Variants in PLD5 observed in about 807,000 individuals in gnomAD.
PLD5 encodes the protein inactive phospholipase D5.
Under a neutral mutation model 61.1 loss-of-function variants are expected in PLD5, and 36 were observed. The observed-to-expected ratio is 0.59, with a 90% CI of 0.45 to 0.78. The LOEUF is 0.78. Among genes scored for constraint, PLD5 ranks in the 30% least tolerant of loss-of-function variants. PLD5 has a pLI of 0.00. For missense variants in PLD5, 515 were observed against 644.4 expected (o/e 0.80, Z 2.17); for synonymous variants, 243 against 242.8 (o/e 1.00, Z -0.01).
At chr1:242,326,952 G>A (rs192925256) in intron 2 of PLD5, among the ~76,000 whole-genome samples, 1,515 of 151,250 alleles carry the variant, frequency 0.01, 18 homozygotes, top group African/African-American at 0.034. Flanking sequence ...TGCAACCTCC[G>A]CCTCCCAGAT....
chr1:242,318,575 T>C (rs1365693090), intron 2 of PLD5, among the ~76,000 whole-genome samples: 1 of 152,136 alleles, frequency 6.6e-6, no homozygotes, highest in Non-Finnish European at 1.5e-5. Flanking sequence ...CGACGTGGGA[T>C]GTGGGATGCC....
At chr1:242,448,364 T>A (rs1666633949) in intron 1 of PLD5, among the ~76,000 whole-genome samples, 1 of 152,216 alleles carries the variant, frequency 6.6e-6, no homozygotes, top group South Asian at 2.1e-4. Context: ...AGTCTCTTCA[T>A]TCATCTGGAT....
At chr1:242,138,028 C>G (rs1663877615) in intron 5 of PLD5, among the ~76,000 whole-genome samples, 1 of 152,006 alleles carries the variant, frequency 6.6e-6, no homozygotes. Flanking sequence ...AGTCTGGTAA[C>G]CAAACATTAC....
intron 1 of PLD5, among the ~76,000 whole-genome samples, chr1:242,370,142 G>A (rs1303325791): frequency 1.3e-5 from 2 of 152,118 alleles, no homozygotes; most frequent in Non-Finnish European, 2.9e-5. Flanking sequence ...AGGCACTCTC[G>A]GTCTGCAGTG....
rs1327718066 is a variant in PLD5, at chr1:242,524,023, C to T, written c.189+65G>A. 32 of 1,462,296 alleles carry T rather than the reference C, an allele frequency of 2.2e-5. No homozygotes were observed. In the East Asian group the frequency reaches 8.0e-4, roughly 37 times the overall value. The allele number at this position is 1,462,296 out of a possible 1,614,324, so 90.6% of individuals were successfully genotyped here. ...CCGCGCCCCGCGCGCGCTCATGCCA[C>T]CACCACGGGGAGGGTGCATGCGGCA... On this transcript the variant is annotated intron_variant, in intron 1 of 9. Transcript: ENST00000536534.
At chr1:242,357,451 T>C (rs1172519858) in intron 1 of PLD5, among the ~76,000 whole-genome samples, 3 of 151,624 alleles carry the variant, frequency 2.0e-5, no homozygotes, top group Admixed American at 6.6e-5. Flanking sequence ...TTTCTGTACC[T>C]AGCTGTTGGT....
At chr1:242,526,960 T>C (rs1669460135), upstream of PLD5, among the ~76,000 whole-genome samples, 1 of 152,106 alleles carries the variant, frequency 6.6e-6, no homozygotes, top group Non-Finnish European at 1.5e-5. Flanking sequence ...GTGATAGATA[T>C]CCAATTCAGA....
intron 2 of PLD5, among the ~76,000 whole-genome samples, chr1:242,305,031 G>A (rs956336493): frequency 5.3e-5 from 8 of 152,106 alleles, no homozygotes; most frequent in Admixed American, 1.3e-4. Context: ...ATTTGAACTC[G>A]GGAGGCAGAG....
At chr1:242,156,804 C>A (rs908824883) in intron 5 of PLD5, among the ~76,000 whole-genome samples, 2 of 152,052 alleles carry the variant, frequency 1.3e-5, no homozygotes, top group Non-Finnish European at 2.9e-5. Flanking sequence ...TCACTTCAAC[C>A]TTGGTTGAAT....
At chr1:242,190,240 G>A (rs1192547928) in intron 5 of PLD5, among the ~76,000 whole-genome samples, 1 of 144,942 alleles carries the variant, frequency 6.9e-6, no homozygotes, top group Non-Finnish European at 1.5e-5. Flanking sequence ...CTGCCTCCTG[G>A]GTTCACGCCA....
At chr1:242,226,996 C>T (rs562303832) in intron 4 of PLD5, among the ~76,000 whole-genome samples, 2 of 152,110 alleles carry the variant, frequency 1.3e-5, no homozygotes, top group Non-Finnish European at 2.9e-5. Context: ...ATTAATGTTA[C>T]TACTTTGAAG....
At chr1:242,286,418 A>G (rs1409166802) in intron 3 of PLD5, among the ~76,000 whole-genome samples, 1 of 152,218 alleles carries the variant, frequency 6.6e-6, no homozygotes. Context: ...GCAGCAAACC[A>G]TAAAGATTCT....
chr1:242,382,128 C>CAAAAAAAAAAAAAAAAAAAA (rs34582650), intron 1 of PLD5, among the ~76,000 whole-genome samples: 80 of 125,452 alleles, frequency 6.4e-4, no homozygotes, highest in East Asian at 1.1e-3. Context: ...ACTTTGACAG[C>CAAAAAAAAAAAAAAAAAAAA]AAAAAAAAAA....
At chr1:242,271,467 C>T (rs1218243615) in intron 3 of PLD5, among the ~76,000 whole-genome samples, 12 of 151,968 alleles carry the variant, frequency 7.9e-5, no homozygotes, top group East Asian at 1.9e-4. Context: ...TACTTAACAT[C>T]GAGGAGAAAG....
At chr1:242,188,217 G>C (rs1668028844) in intron 5 of PLD5, among the ~76,000 whole-genome samples, 1 of 152,158 alleles carries the variant, frequency 6.6e-6, no homozygotes, top group South Asian at 2.1e-4. Context: ...GGGCGGGAGA[G>C]AGAAGTTAAA....
intron 1 of PLD5, among the ~76,000 whole-genome samples, chr1:242,481,400 C>G (rs542718796): frequency 6.6e-6 from 1 of 152,338 alleles, no homozygotes; most frequent in Non-Finnish European, 1.5e-5. Flanking sequence ...AAACGGCACA[C>G]CAGGAGATTG....
chr1:242,316,028 C>T (rs932161951), intron 2 of PLD5, among the ~76,000 whole-genome samples: 2 of 152,058 alleles, frequency 1.3e-5, no homozygotes, highest in Admixed American at 6.6e-5. Context: ...GGTGACCTTG[C>T]GTAAGTTACT....
intron 2 of PLD5, among the ~76,000 whole-genome samples, chr1:242,329,924 G>A (rs1261021397): frequency 2.0e-5 from 3 of 152,098 alleles, no homozygotes; most frequent in East Asian, 1.9e-4. Flanking sequence ...CGGCTACTAA[G>A]GGACTCACAG....
At position 242,397,640 on chromosome 1, in the gene PLD5, T is replaced by C. The variant is rs151081569; in HGVS notation, c.190-49398A>G. ...ATAGGTAGGACCAAGGCTTAGGAGG[T>C]AGAATGTCTTTCTACAGCAATGTAC... is the stretch of plus-strand genomic sequence containing the variant. On this transcript the variant is annotated intron_variant, in intron 1 of 9. Coordinates refer to ENST00000536534, the MANE Select transcript of PLD5 (RefSeq NM_001372062.1). 1.1e-3 allele frequency among the ~76,000 whole-genome samples: 169 copies of C among 152,130 alleles called. 2 individuals are homozygous for C. Among genetic ancestry groups the C allele is most frequent in the African/African-American group, 3.4e-3 (141 of 41,504 alleles).
Sources: gnomAD v4.1 joint callset for allele counts (sites outside exome capture counted in the v4.1 genomes callset) on GRCh38, gnomAD v4.1.1 for gene constraint, MANE v1.5 for transcripts, NCBI Gene and HGNC (gene_info 2026-07-23, HGNC 2026-07-21) for gene names.